The following CALY variants were observed in gnomAD, a reference collection of about 807,000 sequenced individuals.
CALY encodes the protein calcyon neuron specific vesicular protein.
In CALY, 15 loss-of-function variants were observed where a neutral mutation model predicts 20.2. The observed-to-expected ratio is 0.74, with a 90% confidence interval of 0.50 to 1.14. The LOEUF (loss-of-function observed/expected upper bound fraction) is 1.14. Among genes scored for constraint, CALY ranks in the 50% most tolerant of loss-of-function variants. The pLI is 0.00. For synonymous variants in CALY, 129 were observed against 131.8 expected, an observed-to-expected ratio of 0.98 and a Z score of 0.15; for missense variants, 270 against 304.4, an observed-to-expected ratio of 0.89 and a Z score of 0.84.
intron 1 of CALY, among the ~76,000 whole-genome samples, chr10:133,336,053 G>A (rs919180874): frequency 6.6e-6 from 1 of 152,130 alleles, no homozygotes; most frequent in African/African-American, 2.4e-5. Context: ...GCGCAGGTGG[G>A]CTTGTGCGGG....
At chr10:133,327,749 G>T in intron 3 of CALY, 156 bp downstream of exon 3, 1 of 716,038 alleles carries the variant, frequency 1.4e-6, no homozygotes. Flanking sequence ...GCAGCCGGTG[G>T]GGCCAGCTCT....
intron 2 of CALY, among the ~76,000 whole-genome samples, chr10:133,328,324 G>GT (rs911205506): frequency 3.4e-4 from 52 of 152,308 alleles, no homozygotes; most frequent in African/African-American, 1.1e-3. Flanking sequence ...GCCAGCAGGG[G>GT]TGGTCCTCCT....
At chr10:133,326,326 C>T in intron 4 of CALY, 1 of 1,499,378 alleles carries the variant, frequency 6.7e-7, no homozygotes, top group South Asian at 1.2e-5. Flanking sequence ...AGGGGAGGGG[C>T]CACCCAGGGA....
chr10:133,332,416 C>T (rs1408385983), intron 1 of CALY, among the ~76,000 whole-genome samples: 4 of 152,162 alleles, frequency 2.6e-5, no homozygotes, highest in Admixed American at 1.3e-4. Context: ...AAAGATAATA[C>T]AGAAGAAGAT....
At chr10:133,335,738 G>T (rs532057551) in intron 1 of CALY, among the ~76,000 whole-genome samples, 6 of 152,302 alleles carry the variant, frequency 3.9e-5, no homozygotes, top group Non-Finnish European at 5.9e-5. Flanking sequence ...TTCTCCTCCC[G>T]GCCCCTCCCT....
intron 1 of CALY, among the ~76,000 whole-genome samples, chr10:133,330,248 G>A (rs1295829669): frequency 1.3e-5 from 2 of 151,984 alleles, no homozygotes; most frequent in Non-Finnish European, 2.9e-5. Context: ...AGCCACTCGG[G>A]AGGCTGAGGC....
chr10:133,329,121 G>T, intron 1 of CALY, 112 bp from the exon 2 acceptor site: 1 of 906,320 alleles, frequency 1.1e-6, no homozygotes, highest in Non-Finnish European at 1.6e-6. Context: ...TCACACCAGA[G>T]CCAGGGACAG....
At position 133,324,315 on chromosome 10, in the gene CALY, C is replaced by T. The variant is rs1405171347; in HGVS notation, c.*1280G>A. ...CTGGCTTCCAGCTCACCATGGCTTC[C>T]CTGGCAGGCCCAGTTCACAGGCTTC... On this transcript the variant is annotated 3_prime_UTR_variant, in exon 6 of 6. Coordinates refer to ENST00000252939, the MANE Select transcript of CALY (RefSeq NM_015722.4). 2.2e-6 allele frequency: 1 copy of T among 455,486 alleles called. No individual in the cohort carries two copies. Among genetic ancestry groups the T allele is most frequent in the East Asian group, 7.0e-5 (1 of 14,366 alleles). The allele number at this position is 455,486 out of a possible 1,614,324, so 28.2% of individuals were successfully genotyped here. A position where few individuals can be genotyped will look rare whatever the true frequency, so the allele number is the denominator to read the frequency against.
Position 133,327,918 on chromosome 10 carries a change from T to C in CALY, c.233A>G (p.Glu78Gly). 2 of 1,611,424 alleles carry C rather than the reference T, an allele frequency of 1.2e-6. No individual in the cohort carries two copies. Among genetic ancestry groups the C allele is most frequent in the Non-Finnish European group, 1.7e-6 (2 of 1,178,218 alleles). Residue 78 changes from glutamate to glycine, a missense_variant, in exon 3 of 6, where the codon GAG becomes GGG. Physicochemically the swap from Glu to Gly is moderately conservative, Grantham distance 98. Transcript: ENST00000252939. ...GGGTGTGGTTACCCTGCGCCCTTCC[T>C]CTGGGTGGCTGCAGTTCAGCCTCTG... is the stretch of plus-strand genomic sequence containing the variant. ...EGQRLNCSHPEEGRRLPTARM... is the reference protein window; with the variant it reads ...EGQRLNCSHPGEGRRLPTARM...
In CALY at chr10:133,325,910, G is replaced by A. The variant is rs948302334; in HGVS notation, c.571C>T (p.Pro191Ser). 7.7e-6 allele frequency: 10 copies of A among 1,299,728 alleles called. No homozygotes were observed. Among genetic ancestry groups the A allele is most frequent in the Admixed American group, 3.9e-5 (1 of 25,458 alleles). The allele number at this position is 1,299,728 out of a possible 1,614,324, so 80.5% of individuals were successfully genotyped here. Residue 191 changes from proline (P) to serine (S), a missense_variant, in exon 5 of 6, where the codon CCC (proline) becomes TCC (serine). Coordinates refer to ENST00000252939, the MANE Select transcript of CALY (RefSeq NM_015722.4). ...QAGAAAAATE[P>S]PGKPSAKAEK... ...GCCTTGGCCGACGGCTTCCCGGGGG[G>A]TTCGGTGGCCGCCGCCGCCGCCCCA...
chr10:133,328,059 G>T, intron 2 of CALY, 44 bp from the exon 3 acceptor site: 1 of 1,273,322 alleles, frequency 7.9e-7, no homozygotes, highest in Non-Finnish European at 1.1e-6. Context: ...AGCTGGCAGG[G>T]ACCCAAGAGA....
In CALY at chr10:133,326,009, C is replaced by G; in HGVS notation, c.472G>C (p.Gly158Arg). The G allele has an allele frequency of 6.3e-7, 1 of 1,579,140 alleles. No individual in the cohort carries two copies. The highest frequency in any genetic ancestry group is 8.6e-7 in the Non-Finnish European group (1 of 1,162,816). Residue 158 changes from glycine (G) to arginine (R), a missense_variant, in exon 5 of 6, where the codon GGC becomes CGC. Gly to Arg is a moderately radical substitution (Grantham distance 125). Transcript: ENST00000252939. The stretch of plus-strand genomic sequence containing the variant: ...CCCCAGGCCGCCGGCGTCTCCGTGC[C>G]GTGCTTGCGGCTCAGCGGGTAGGCC... ...IGAYPLSRKHGTETPAAWGDG... is the reference protein window; with the variant it reads ...IGAYPLSRKHRTETPAAWGDG...
chr10:133,324,503 G>A lies in CALY; in HGVS notation c.*1092C>T, dbSNP rs778496783. 217 of 427,638 alleles carry A rather than the reference G, an allele frequency of 5.1e-4. No homozygotes were observed. The highest frequency in any genetic ancestry group is 9.4e-4 in the Non-Finnish European group (199 of 211,668). The allele number at this position is 427,638 out of a possible 1,614,324, so 26.5% of individuals were successfully genotyped here. Reference sequence around the variant, plus strand: ...GGCTGCAGAGCCGCTGCTGGCTGGGGTGGGCGGGGCTGCAGTGCTGCAATT... The same window carrying A: ...GGCTGCAGAGCCGCTGCTGGCTGGGATGGGCGGGGCTGCAGTGCTGCAATT... On this transcript the variant is annotated 3_prime_UTR_variant, in exon 6 of 6. Transcript: ENST00000252939.
At chr10:133,336,577 G>A (rs1170092084) in intron 1 of CALY, among the ~76,000 whole-genome samples, 1 of 152,012 alleles carries the variant, frequency 6.6e-6, no homozygotes, top group East Asian at 1.9e-4. Context: ...CCGCCCTCGG[G>A]TCCGCGGGGT....
chr10:133,326,338 A>G (rs2136167304), intron 4 of CALY: 1 of 1,430,896 alleles, frequency 7.0e-7, no homozygotes, highest in African/African-American at 1.4e-5. Context: ...ACCCAGGGAG[A>G]GGGGCGCAGA....
chr10:133,336,305 CCCTCCCGG>C (rs1432386991), intron 1 of CALY, among the ~76,000 whole-genome samples: 1 of 152,156 alleles, frequency 6.6e-6, no homozygotes, highest in Admixed American at 6.5e-5. Flanking sequence ...GGAGCCGCGC[CCCTCCCGG>C]CCTCCTGGCC....
chr10:133,335,110 GC>G (rs756582401), intron 1 of CALY, among the ~76,000 whole-genome samples: 1 of 151,036 alleles, frequency 6.6e-6, no homozygotes, highest in Non-Finnish European at 1.5e-5. Context: ...GGGCCGAGAG[GC>G]CGGGGAATGA....
At position 133,325,205 on chromosome 10, in the gene CALY, C is replaced by G. The variant is rs1490369798; in HGVS notation, c.*390G>C. 1 of 153,202 alleles carries G rather than the reference C, an allele frequency of 6.5e-6. No individual in the cohort carries two copies. The highest frequency in any genetic ancestry group is 6.5e-5 in the Admixed American group (1 of 15,482). 9.5% of individuals were successfully genotyped at this position (153,202 alleles called of 1,614,324 possible). ...GGAGCCCCGCCATTAAGGCACATCC[C>G]GGTGGGGCTTGGACAAGGCCCGGAC... On this transcript the variant is annotated 3_prime_UTR_variant, in exon 6 of 6. Transcript: ENST00000252939.
intron 1 of CALY, among the ~76,000 whole-genome samples, chr10:133,330,271 T>C (rs1294233684): frequency 6.8e-6 from 1 of 146,540 alleles, no homozygotes; most frequent in Non-Finnish European, 1.5e-5. Context: ...GAGAATCGCT[T>C]GAACCCGGGA....
Sources: allele counts gnomAD v4.1 joint callset (sites outside exome capture counted in the v4.1 genomes callset), GRCh38; gene constraint gnomAD v4.1.1; transcripts MANE v1.5; gene names NCBI Gene and HGNC (gene_info 2026-07-23, HGNC 2026-07-21).